The following LRMDA variants were observed in gnomAD, a reference collection of about 807,000 sequenced individuals.
LRMDA encodes the protein leucine rich melanocyte differentiation associated.
In LRMDA, 18 loss-of-function variants were observed where a neutral mutation model predicts 29.8. The observed-to-expected ratio is 0.60, with a 90% CI of 0.42 to 0.90. The LOEUF (loss-of-function observed/expected upper bound fraction) is 0.90. Ranked by LOEUF, LRMDA falls within the 40% of genes least tolerant of loss-of-function variation. The pLI is 0.00. For missense variants in LRMDA, 273 were observed against 273.9 expected (o/e 1.00, Z 0.02); for synonymous variants, 125 against 109.4 (o/e 1.14, Z -0.89).
intron 5 of LRMDA, among the ~76,000 whole-genome samples, chr10:76,210,440 G>T (rs1444859184): frequency 6.6e-6 from 1 of 152,154 alleles, no homozygotes; most frequent in Non-Finnish European, 1.5e-5. Flanking sequence ...TGAAGGGTGG[G>T]TCCAAGTCTG....
intron 2 of LRMDA, among the ~76,000 whole-genome samples, chr10:75,677,643 G>A (rs1841976847): frequency 6.6e-6 from 1 of 152,132 alleles, no homozygotes; most frequent in Non-Finnish European, 1.5e-5. Flanking sequence ...CACACCGGTT[G>A]TTCTTATTTC....
chr10:76,505,317 G>A (rs1363007953), intron 6 of LRMDA, among the ~76,000 whole-genome samples: 1 of 151,840 alleles, frequency 6.6e-6, no homozygotes, highest in Non-Finnish European at 1.5e-5. Flanking sequence ...ATTTTGCAGG[G>A]GTTCTTGGTA....
chr10:76,426,614 C>A (rs1842128833), intron 6 of LRMDA, among the ~76,000 whole-genome samples: 1 of 152,148 alleles, frequency 6.6e-6, no homozygotes. Flanking sequence ...TAATTAGATC[C>A]CATTTGTCAA....
At chr10:75,751,129 C>T (rs1288507181) in intron 2 of LRMDA, among the ~76,000 whole-genome samples, 3 of 152,234 alleles carry the variant, frequency 2.0e-5, no homozygotes, top group Non-Finnish European at 4.4e-5. Flanking sequence ...GTCCGGCCAA[C>T]ACGGTGAAAC....
chr10:75,874,034 C>T (rs1209790136), intron 2 of LRMDA, among the ~76,000 whole-genome samples: 2 of 152,144 alleles, frequency 1.3e-5, no homozygotes, highest in Non-Finnish European at 2.9e-5. Flanking sequence ...CTGTCCTTAC[C>T]TGAGCCCTTC....
chr10:75,815,497 C>A (rs1179840127), intron 2 of LRMDA, among the ~76,000 whole-genome samples: 2 of 152,162 alleles, frequency 1.3e-5, no homozygotes, highest in Non-Finnish European at 2.9e-5. Context: ...TTGGTCAAAT[C>A]AGTGGGAGCA....
chr10:76,072,828 ACAGCCT>A (rs1448876197), intron 5 of LRMDA, among the ~76,000 whole-genome samples: 2 of 152,346 alleles, frequency 1.3e-5, no homozygotes, highest in African/African-American at 4.8e-5. Flanking sequence ...GCTCTTTATC[ACAGCCT>A]AAGGTCTTTG....
intron 2 of LRMDA, among the ~76,000 whole-genome samples, chr10:76,003,028 A>G (rs997322993): frequency 3.9e-5 from 6 of 152,224 alleles, no homozygotes; most frequent in Non-Finnish European, 8.8e-5. Flanking sequence ...TTTTATAAAT[A>G]TAGGAGTTTT....
chr10:75,621,350 T>C (rs1223832146), intron 2 of LRMDA, among the ~76,000 whole-genome samples: 1 of 152,240 alleles, frequency 6.6e-6, no homozygotes, highest in Non-Finnish European at 1.5e-5. Context: ...AACTTCACTT[T>C]GGACTTTGTG....
intron 2 of LRMDA, among the ~76,000 whole-genome samples, chr10:75,597,900 G>A (rs1334457665): frequency 6.6e-6 from 1 of 152,124 alleles, no homozygotes; most frequent in Non-Finnish European, 1.5e-5. Flanking sequence ...TCATTCAGTG[G>A]GAGCTGTCAA....
chr10:76,204,317 C>T (rs1271777081), intron 5 of LRMDA, among the ~76,000 whole-genome samples: 2 of 150,666 alleles, frequency 1.3e-5, no homozygotes, highest in Non-Finnish European at 3.0e-5. Flanking sequence ...TCCATGTGCC[C>T]ATCCACCCAT....
At position 75,634,818 on chromosome 10, in the gene LRMDA, G is replaced by A. The variant is rs117980014; in HGVS notation, c.131+196324G>A. On this transcript the variant is annotated intron_variant, in intron 2 of 6. Coordinates refer to ENST00000611255, the MANE Select transcript of LRMDA (RefSeq NM_001305581.2). ...TAGCAAACAAAAATGGAGGGGAGGG[G>A]TGGATATGTCTCATTTCCAATTAAC... Among the ~76,000 whole-genome samples, 235 of 152,220 alleles carry A rather than the reference G, an allele frequency of 1.5e-3. 5 individuals are homozygous for A. In the East Asian group the frequency reaches 0.04, roughly 26 times the overall value.
At chr10:76,308,675 G>T (rs186135295) in intron 5 of LRMDA, among the ~76,000 whole-genome samples, 2 of 152,336 alleles carry the variant, frequency 1.3e-5, no homozygotes, top group East Asian at 3.9e-4. Flanking sequence ...TGGGGATGGA[G>T]AAGCCATAGC....
intron 2 of LRMDA, among the ~76,000 whole-genome samples, chr10:76,015,934 G>A (rs1204513550): frequency 6.6e-6 from 1 of 152,130 alleles, no homozygotes; most frequent in African/African-American, 2.4e-5. Flanking sequence ...CTTTGAAATT[G>A]TCATTCTTGG....
In LRMDA at chr10:75,967,697, A is replaced by C. The variant is rs554393832; in HGVS notation, c.132-68311A>C. Reference sequence around the variant, plus strand: ...ACAGTATGAAGCCAGCGAAATGGCTAAGCAGCCCAAGATGGATGGGGCACA... The same window carrying C: ...ACAGTATGAAGCCAGCGAAATGGCTCAGCAGCCCAAGATGGATGGGGCACA... On this transcript the variant is annotated intron_variant, in intron 2 of 6. Coordinates refer to ENST00000611255, the MANE Select transcript of LRMDA (RefSeq NM_001305581.2). Among the ~76,000 whole-genome samples, 32 of 152,258 alleles carry C rather than the reference A, an allele frequency of 2.1e-4. No homozygotes were observed. In the South Asian group the frequency reaches 6.2e-3, roughly 30 times the overall value.
At chr10:75,736,449 T>C (rs1285915885) in intron 2 of LRMDA, among the ~76,000 whole-genome samples, 1 of 152,166 alleles carries the variant, frequency 6.6e-6, no homozygotes, top group East Asian at 1.9e-4. Context: ...AGACGGAGGA[T>C]TTACCATTGT....
chr10:75,540,784 C>G (rs1343112540), intron 2 of LRMDA, among the ~76,000 whole-genome samples: 2 of 152,156 alleles, frequency 1.3e-5, no homozygotes, highest in Non-Finnish European at 2.9e-5. Context: ...GTTTGGGCCC[C>G]TAGTGTTCAG....
At chr10:76,064,441 G>A (rs1848751964) in intron 5 of LRMDA, among the ~76,000 whole-genome samples, 1 of 152,060 alleles carries the variant, frequency 6.6e-6, no homozygotes, top group East Asian at 1.9e-4. Flanking sequence ...AACATGTTAG[G>A]GTACCCACAA....
chr10:75,753,626 G>T (rs937520761), intron 2 of LRMDA, among the ~76,000 whole-genome samples: 2 of 152,204 alleles, frequency 1.3e-5, no homozygotes, highest in African/African-American at 4.8e-5. Context: ...AGGGAGGCCA[G>T]AGCCAGCCTG....
Sources: allele counts gnomAD v4.1 joint callset (sites outside exome capture counted in the v4.1 genomes callset), GRCh38; gene constraint gnomAD v4.1.1; transcripts MANE v1.5; gene names NCBI Gene and HGNC (gene_info 2026-07-23, HGNC 2026-07-21).